THEMIS: variants seen among roughly 807,000 people sequenced by gnomAD.
The protein encoded by THEMIS is thymocyte selection associated, also known as protein THEMIS.
A neutral mutation model predicts 52.6 loss-of-function variants in THEMIS; 37 were observed. That is an observed-to-expected ratio of 0.70 (90% CI 0.54 to 0.93). The LOEUF (loss-of-function observed/expected upper bound fraction) is 0.93, where lower values mean the gene tolerates loss of function less well. Among genes scored for constraint, THEMIS ranks in the 40% least tolerant of loss-of-function variants. The pLI, the probability that THEMIS is intolerant of heterozygous loss-of-function variation, is 0.00. For missense variants in THEMIS, 808 were observed against 763.1 expected, an observed-to-expected ratio of 1.06 and a Z score of -0.69; for synonymous variants, 292 against 272.7, an observed-to-expected ratio of 1.07 and a Z score of -0.70.
chr6:127,814,069 T>C (rs764957380), intron 3 of THEMIS, 138 bp from the exon 4 acceptor site: 5 of 767,218 alleles, frequency 6.5e-6, no homozygotes, highest in Non-Finnish European at 9.6e-6. Context: ...TTCTTATGTG[T>C]GATTTTCCTT....
intron 4 of THEMIS, among the ~76,000 whole-genome samples, chr6:127,764,622 T>C (rs1776132338): frequency 6.6e-6 from 1 of 152,012 alleles, no homozygotes; most frequent in African/African-American, 2.4e-5. Flanking sequence ...AAGACAGGTG[T>C]TGCATGCTGG....
chr6:127,719,776 G>A lies in THEMIS; in HGVS notation c.1806C>T (p.Gly602=). ...ITKKLHPNQA[G]LDSKVLIGSQ... The stretch of plus-strand genomic sequence containing the variant: ...TACCAATCAGTACTTTTGAATCCAG[G>A]CCAGCTTGATTTGGGTGAAGTTTCT... Residue 602 remains glycine (G), a synonymous_variant, in exon 5 of 6, where the codon GGC becomes GGT. Transcript: ENST00000368248. 1 of 1,612,214 alleles carries A rather than the reference G, an allele frequency of 6.2e-7. No homozygotes were observed. Among genetic ancestry groups the A allele is most frequent in the Non-Finnish European group, 8.5e-7 (1 of 1,178,930 alleles).
intron 4 of THEMIS, among the ~76,000 whole-genome samples, chr6:127,739,254 T>A (rs1189754650): frequency 6.6e-6 from 1 of 151,962 alleles, no homozygotes; most frequent in African/African-American, 2.4e-5. Context: ...AGAAAGTGAA[T>A]AAGAAGCCCA....
intron 1 of THEMIS, among the ~76,000 whole-genome samples, chr6:127,907,798 T>C (rs917171602): frequency 6.6e-6 from 1 of 151,346 alleles, no homozygotes; most frequent in African/African-American, 2.4e-5. Flanking sequence ...TGATCACCAT[T>C]CTCTTCTGTC....
At chr6:127,710,656 G>C (rs772384883) in intron 5 of THEMIS, among the ~76,000 whole-genome samples, 36 of 151,946 alleles carry the variant, frequency 2.4e-4, no homozygotes, top group Non-Finnish European at 1.3e-4. Context: ...CTCAAATAAA[G>C]CAAGCTACGC....
At chr6:127,846,259 T>C (rs1779211056) in intron 2 of THEMIS, among the ~76,000 whole-genome samples, 1 of 151,932 alleles carries the variant, frequency 6.6e-6, no homozygotes, top group Non-Finnish European at 1.5e-5. Context: ...AATTTGATTA[T>C]ACAATTGCCA....
intron 1 of THEMIS, among the ~76,000 whole-genome samples, chr6:127,859,847 T>G (rs931498444): frequency 9.2e-5 from 14 of 152,124 alleles, no homozygotes; most frequent in African/African-American, 3.1e-4. Flanking sequence ...GTATGGCTGA[T>G]AGTGTCTGAT....
rs1439866448 is a variant in THEMIS at position 127,708,711 on chromosome 6, ACACTAGAAAT to A, written c.*1264_*1273del. On this transcript the variant is annotated 3_prime_UTR_variant, in exon 6 of 6. Coordinates refer to ENST00000368248, the MANE Select transcript of THEMIS (RefSeq NM_001010923.3). Reference sequence around the variant, plus strand: ...ATCAAATCACTAAGCAATTTTTAGGACACTAGAAATCAGGATTCATTGTTACTTAGAAAAA... The same window carrying A: ...ATCAAATCACTAAGCAATTTTTAGGACAGGATTCATTGTTACTTAGAAAAA... 2.0e-5 allele frequency: 3 copies of A among 152,128 alleles called. No homozygotes were observed. Among genetic ancestry groups the A allele is most frequent in the Admixed American group, 1.3e-4 (2 of 15,262 alleles). 9.4% of individuals were successfully genotyped at this position (152,128 alleles called of 1,614,324 possible).
chr6:127,880,771 A>G (rs1487602543), intron 1 of THEMIS, among the ~76,000 whole-genome samples: 3 of 152,114 alleles, frequency 2.0e-5, no homozygotes, highest in Admixed American at 2.0e-4. Flanking sequence ...CTGTTTATGT[A>G]GAGTAGCTGA....
In THEMIS at chr6:127,869,843, T is replaced by C. The variant is rs187150464; in HGVS notation, c.92-14655A>G. Among the ~76,000 whole-genome samples, 781 of 152,254 alleles carry C rather than the reference T, an allele frequency of 5.1e-3. 22 individuals are homozygous for C. Among genetic ancestry groups the C allele is most frequent in the Non-Finnish European group, 1.5e-3 (102 of 68,022 alleles). The stretch of plus-strand genomic sequence containing the variant: ...CTGTTAAGCAATAACCATTCTAATC[T>C]AGCCAAACATCACAGAAAAACAGAA... On this transcript the variant is annotated intron_variant, in intron 1 of 5. Transcript: ENST00000368248.
At chr6:127,782,346 G>GA (rs1052245594) in intron 4 of THEMIS, among the ~76,000 whole-genome samples, 2 of 151,820 alleles carry the variant, frequency 1.3e-5, no homozygotes, top group Non-Finnish European at 1.5e-5. Flanking sequence ...ACTGGGGTAG[G>GA]AAAAAAAACT....
chr6:127,778,848 T>C (rs1776649936), intron 4 of THEMIS, among the ~76,000 whole-genome samples: 2 of 139,778 alleles, frequency 1.4e-5, no homozygotes, highest in Non-Finnish European at 3.2e-5. Flanking sequence ...TTTTTTTTTT[T>C]GCTAAAAAAA....
intron 1 of THEMIS, among the ~76,000 whole-genome samples, chr6:127,859,615 G>A (rs1779729818): frequency 1.3e-5 from 2 of 152,210 alleles, no homozygotes; most frequent in South Asian, 4.1e-4. Context: ...GCATGGTCAA[G>A]TCAAAGGTTT....
intron 4 of THEMIS, chr6:127,807,453 T>C (rs1320974887): frequency 1.1e-5 from 2 of 187,422 alleles, no homozygotes; most frequent in Non-Finnish European, 2.3e-5. Flanking sequence ...CAGTCAAAAT[T>C]TGTCAATTTT....
At chr6:127,766,891 C>T (rs1308548435) in intron 4 of THEMIS, among the ~76,000 whole-genome samples, 2 of 151,956 alleles carry the variant, frequency 1.3e-5, no homozygotes, top group East Asian at 1.9e-4. Flanking sequence ...AGGACATTAC[C>T]GTATTCTACT....
At chr6:127,860,312 C>T (rs1213118623) in intron 1 of THEMIS, among the ~76,000 whole-genome samples, 1 of 152,088 alleles carries the variant, frequency 6.6e-6, no homozygotes, top group Non-Finnish European at 1.5e-5. Context: ...AGGGTGGATA[C>T]TCCCAGTTGG....
chr6:127,879,616 T>C (rs1408608525), intron 1 of THEMIS, among the ~76,000 whole-genome samples: 2 of 146,936 alleles, frequency 1.4e-5, no homozygotes, highest in East Asian at 3.9e-4. Flanking sequence ...GAATGCTGTG[T>C]CACTCTGAAA....
chr6:127,813,489 A>C lies in THEMIS; in HGVS notation c.1152T>G (p.Ser384=). The C allele has an allele frequency of 6.2e-7, 1 of 1,613,962 alleles. No individual in the cohort carries two copies. The highest frequency in any genetic ancestry group is 8.5e-7 in the Non-Finnish European group (1 of 1,179,976). The change falls in exon 4 of 6, where the codon TCT becomes TCG. Residue 384 remains serine, a synonymous_variant. Coordinates refer to ENST00000368248, the MANE Select transcript of THEMIS (RefSeq NM_001010923.3). ...GATGCACCAGAAACTGGTCCCCAACAGATACGGATGACAGCTTGTCATGAG... is the reference window on the plus strand; with the variant it reads ...GATGCACCAGAAACTGGTCCCCAACCGATACGGATGACAGCTTGTCATGAG... ...HSPHDKLSSV[S]VGDQFLVHQS...
chr6:127,785,476 T>C (rs1205124577), intron 4 of THEMIS, among the ~76,000 whole-genome samples: 1 of 144,938 alleles, frequency 6.9e-6, no homozygotes, highest in East Asian at 2.0e-4. Context: ...AATAATAAAA[T>C]TTAAAAAAAA....
Sources: allele counts gnomAD v4.1 joint callset (sites outside exome capture counted in the v4.1 genomes callset), GRCh38; gene constraint gnomAD v4.1.1; transcripts MANE v1.5; gene names NCBI Gene and HGNC (gene_info 2026-07-23, HGNC 2026-07-21).